Variants in ELF2 observed in about 807,000 individuals in gnomAD.
ELF2 encodes E74 like ETS transcription factor 2.
ELF2 carries 11 observed loss-of-function variants against 54.8 expected under a neutral mutation model. That is an observed-to-expected ratio of 0.20 (90% confidence interval 0.13 to 0.33). The LOEUF (loss-of-function observed/expected upper bound fraction) is 0.33. ELF2 is among the 10% of genes least tolerant of loss of function. The pLI, the probability that ELF2 is intolerant of heterozygous loss-of-function variation, is 1.00. For missense variants in ELF2, 513 were observed against 703.0 expected, an observed-to-expected ratio of 0.73 and a Z score of 3.06; for synonymous variants, 203 against 245.1, an observed-to-expected ratio of 0.83 and a Z score of 1.61.
intron 1 of ELF2, among the ~76,000 whole-genome samples, chr4:139,161,629 CAA>C (rs1030120821): frequency 3.0e-5 from 3 of 99,532 alleles, no homozygotes; most frequent in African/African-American, 1.2e-4. Flanking sequence ...TCAGTTCTCA[CAA>C]ATAGTCTACG....
At chr4:139,151,118 T>C (rs1325096800) in intron 1 of ELF2, among the ~76,000 whole-genome samples, 1 of 150,010 alleles carries the variant, frequency 6.7e-6, no homozygotes, top group Non-Finnish European at 1.5e-5. Context: ...TAATAAATTG[T>C]GCTGGTACAA....
At position 139,133,173 on chromosome 4, in the gene ELF2, G is replaced by C. The variant is rs949491603; in HGVS notation, c.72+4457C>G. Reference sequence around the variant, plus strand: ...CCTGACCTCGTGATCCGCCCGCCTCGGCTTCCGAAAATGCTGGGATTACAG... The same window carrying C: ...CCTGACCTCGTGATCCGCCCGCCTCCGCTTCCGAAAATGCTGGGATTACAG... On this transcript the variant is annotated intron_variant, in intron 3 of 9. Coordinates refer to ENST00000686138, the MANE Select transcript of ELF2 (RefSeq NM_001331036.3). 3.3e-5 allele frequency among the ~76,000 whole-genome samples: 5 copies of C among 151,944 alleles called. No individual in the cohort carries two copies. The South Asian group carries it at 6.2e-4, about 19-fold the overall frequency.
chr4:139,136,486 ATTATACCG>A (rs58176328), intron 3 of ELF2, among the ~76,000 whole-genome samples: 16,724 of 152,054 alleles, frequency 0.11, 1,152 homozygotes, highest in Non-Finnish European at 0.15. Flanking sequence ...CAAACATGCC[ATTATACCG>A]TTATACTGGT....
intron 1 of ELF2, among the ~76,000 whole-genome samples, chr4:139,161,049 C>T (rs531862135): frequency 2.0e-5 from 3 of 152,094 alleles, no homozygotes; most frequent in Admixed American, 1.3e-4. Flanking sequence ...TATACACACA[C>T]GTGTGCCTAG....
chr4:139,062,120 G>T, intron 7 of ELF2, 63 bp from the exon 8 acceptor site: 1 of 1,448,882 alleles, frequency 6.9e-7, no homozygotes, highest in Non-Finnish European at 9.4e-7. Context: ...ATAATTAAAA[G>T]CAAATAAAGT....
intron 1 of ELF2, among the ~76,000 whole-genome samples, chr4:139,160,761 G>A (rs918903064): frequency 6.6e-6 from 1 of 152,056 alleles, no homozygotes; most frequent in Non-Finnish European, 1.5e-5. Context: ...TCGGGAGTTT[G>A]AGACAAGCCT....
intron 6 of ELF2, among the ~76,000 whole-genome samples, chr4:139,070,987 ATTAC>A (rs1175117369): frequency 1.3e-5 from 2 of 152,190 alleles, no homozygotes; most frequent in Non-Finnish European, 2.9e-5. Flanking sequence ...TGAATACCTA[ATTAC>A]TTAGAATGTC....
chr4:139,114,276 A>G (rs1270877193), intron 4 of ELF2, among the ~76,000 whole-genome samples: 1 of 152,154 alleles, frequency 6.6e-6, no homozygotes, highest in Non-Finnish European at 1.5e-5. Context: ...AAAAGACATC[A>G]AAGAATTTAG....
chr4:139,083,044 C>T (rs1731356107), intron 4 of ELF2, among the ~76,000 whole-genome samples: 1 of 152,168 alleles, frequency 6.6e-6, no homozygotes, highest in Admixed American at 6.5e-5. Flanking sequence ...CTTCATTGGC[C>T]CAGCGCGGGC....
At chr4:139,121,289 T>A (rs1736316799) in intron 4 of ELF2, among the ~76,000 whole-genome samples, 1 of 150,974 alleles carries the variant, frequency 6.6e-6, no homozygotes, top group South Asian at 2.1e-4. Context: ...TTTGTATTTT[T>A]AGTAGAGACG....
At chr4:139,139,551 C>A (rs2148864513) in intron 1 of ELF2, 54 bp from the exon 2 acceptor site, 1 of 1,002,526 alleles carries the variant, frequency 1.0e-6, no homozygotes, top group Non-Finnish European at 1.3e-6. Flanking sequence ...TTAAAAAGCA[C>A]TATGCTCAAA....
Position 139,139,430 on chromosome 4 carries a change from G to A in ELF2, c.-184C>T. 4.9e-6 allele frequency: 6 copies of A among 1,229,572 alleles called. No homozygotes were observed. Among genetic ancestry groups the A allele is most frequent in the Non-Finnish European group, 6.1e-6 (6 of 986,626 alleles). 76.2% of individuals were successfully genotyped at this position (1,229,572 alleles called of 1,614,324 possible). ...TTACTTACAGTTTGTATGTTAAGTA[G>A]TCTAAGCATCCTTCACTATTTTCAC... On this transcript the variant is annotated 5_prime_UTR_variant, in exon 2 of 10. Coordinates refer to ENST00000686138, the MANE Select transcript of ELF2 (RefSeq NM_001331036.3).
intron 4 of ELF2, chr4:139,084,172 C>T (rs1731626622): frequency 6.2e-7 from 1 of 1,613,430 alleles, no homozygotes; most frequent in African/African-American, 1.3e-5. Context: ...GTGGGTCCCT[C>T]ATGCAGAGAC....
chr4:139,120,336 A>C (rs962457539), intron 4 of ELF2, among the ~76,000 whole-genome samples: 1 of 152,188 alleles, frequency 6.6e-6, no homozygotes, highest in East Asian at 1.9e-4. Context: ...CCTTGTTTTA[A>C]TATTTCTCAA....
intron 4 of ELF2, among the ~76,000 whole-genome samples, chr4:139,083,865 C>T (rs1199826051): frequency 6.6e-6 from 1 of 152,242 alleles, no homozygotes; most frequent in Admixed American, 6.5e-5. Flanking sequence ...GCTGCCAGCG[C>T]TCAGCCCGGC....
At chr4:139,072,123 G>GGT (rs1729606196) in intron 5 of ELF2, 84 bp from the exon 6 acceptor site, 1 of 1,352,858 alleles carries the variant, frequency 7.4e-7, no homozygotes, top group Non-Finnish European at 1.0e-6. Context: ...GAAGAGGCGA[G>GGT]GTGTGTTAAG....
chr4:139,177,224 C>CCCCCG (rs1743051492), upstream of ELF2: 1 of 150,306 alleles, frequency 6.7e-6, no homozygotes, highest in Non-Finnish European at 1.5e-5. Context: ...GCAATGGTTG[C>CCCCCG]CCCCGCCCCG....
upstream of ELF2, among the ~76,000 whole-genome samples, chr4:139,177,469 C>T (rs1416974893): frequency 6.6e-6 from 1 of 151,288 alleles, no homozygotes; most frequent in African/African-American, 2.4e-5. Context: ...CCCCCACCAG[C>T]CCGCCGAACC....
chr4:139,074,655 G>C (rs1730026234), intron 4 of ELF2, among the ~76,000 whole-genome samples: 1 of 151,842 alleles, frequency 6.6e-6, no homozygotes, highest in East Asian at 1.9e-4. Context: ...AGCTACTCAG[G>C]AGGCTGAGGC....
Sources: allele counts gnomAD v4.1 joint callset (sites outside exome capture counted in the v4.1 genomes callset), GRCh38; gene constraint gnomAD v4.1.1; transcripts MANE v1.5; gene names NCBI Gene and HGNC (gene_info 2026-07-23, HGNC 2026-07-21).